Variants in GOLM2 observed in about 807,000 individuals in gnomAD.
The protein encoded by GOLM2 is golgi membrane protein 2.
In GOLM2, 26 loss-of-function variants were observed where a neutral mutation model predicts 55.9. That is an observed-to-expected ratio of 0.47 (90% CI 0.34 to 0.65). The LOEUF is 0.65. Ranked by LOEUF, GOLM2 falls within the 30% of genes least tolerant of loss-of-function variation. The probability of loss-of-function intolerance (pLI) is 0.01; values close to 1 mark genes in which losing one functional copy is unlikely to be tolerated. For synonymous variants in GOLM2, 165 were observed against 194.6 expected (o/e 0.85, Z 1.27); for missense variants, 486 against 531.8 (o/e 0.91, Z 0.85).
At position 44,288,904 on chromosome 15, in the gene GOLM2, G is replaced by C. The variant is rs952255981; in HGVS notation, c.-126G>C. ...CCCCTTCTCCGGCTCGCAGCCGACC[G>C]GTAAGCCCGCCTCCTCCCTCGGCCG... On this transcript the variant is annotated 5_prime_UTR_variant, in exon 1 of 10. Coordinates refer to ENST00000299957, the MANE Select transcript of GOLM2 (RefSeq NM_138423.4). 4 of 844,530 alleles carry C rather than the reference G, an allele frequency of 4.7e-6. No homozygotes were observed. Among genetic ancestry groups the C allele is most frequent in the East Asian group, 2.7e-5 (1 of 36,642 alleles). 52.3% of individuals were successfully genotyped at this position (844,530 alleles called of 1,614,324 possible).
intron 8 of GOLM2, among the ~76,000 whole-genome samples, chr15:44,399,491 T>TA (rs1379583823): frequency 6.6e-6 from 1 of 152,194 alleles, no homozygotes; most frequent in Non-Finnish European, 1.5e-5. Context: ...TCTATGTAAT[T>TA]ATAGTATTAA....
intron 1 of GOLM2, among the ~76,000 whole-genome samples, chr15:44,313,513 A>G (rs762326500): frequency 3.3e-5 from 5 of 152,116 alleles, no homozygotes; most frequent in Non-Finnish European, 7.4e-5. Context: ...CTACTCTCTT[A>G]CTACGTCATC....
Position 44,361,294 on chromosome 15 carries a change from C to T in GOLM2, c.803-18396C>T, listed in dbSNP as rs546829492. On this transcript the variant is annotated intron_variant, in intron 6 of 9. Transcript: ENST00000299957. ...TTTTGAAAAGATCAACAAGCTAGACCGCTAGCAAGACTAATAAAGAAAAAA... is the reference window on the plus strand; with the variant it reads ...TTTTGAAAAGATCAACAAGCTAGACTGCTAGCAAGACTAATAAAGAAAAAA... 8.5e-4 allele frequency among the ~76,000 whole-genome samples: 129 copies of T among 151,918 alleles called. 1 individual carries two copies. Among genetic ancestry groups the T allele is most frequent in the Middle Eastern group, 3.4e-3 (1 of 294 alleles).
chr15:44,335,517 T>C (rs2079050651), intron 4 of GOLM2, among the ~76,000 whole-genome samples: 1 of 152,194 alleles, frequency 6.6e-6, no homozygotes, highest in Admixed American at 6.5e-5. Context: ...CTTATCCATA[T>C]CTGGAAAAGA....
At chr15:44,375,857 G>T (rs2079361075) in intron 6 of GOLM2, among the ~76,000 whole-genome samples, 1 of 152,106 alleles carries the variant, frequency 6.6e-6, no homozygotes, top group Non-Finnish European at 1.5e-5. Flanking sequence ...TATAGGGAGG[G>T]TTCATTAAAT....
chr15:44,325,675 A>G (rs1464361699), intron 2 of GOLM2, among the ~76,000 whole-genome samples: 1 of 152,174 alleles, frequency 6.6e-6, no homozygotes, highest in African/African-American at 2.4e-5. Flanking sequence ...TCAGTTCTAG[A>G]AACTATCCAG....
intron 6 of GOLM2, among the ~76,000 whole-genome samples, chr15:44,344,049 C>T (rs545011674): frequency 2.0e-5 from 3 of 151,590 alleles, no homozygotes; most frequent in Admixed American, 2.0e-4. Context: ...CGCTTGAACC[C>T]AGGAGTTTGA....
At position 44,398,139 on chromosome 15, in the gene GOLM2, C is replaced by T. The variant is rs527824346; in HGVS notation, c.1073-4748C>T. Among the ~76,000 whole-genome samples, 12 of 152,324 alleles carry T rather than the reference C, an allele frequency of 7.9e-5. No individual in the cohort carries two copies. In the East Asian group the frequency reaches 2.3e-3, roughly 29 times the overall value. On this transcript the variant is annotated intron_variant, in intron 8 of 9. Transcript: ENST00000299957. ...TTGCCTCCTACATAATGTTCAAACT[C>T]ACTCTATCAAAAGGAAGCCAACTGA...
chr15:44,366,762 C>T (rs189832460), intron 6 of GOLM2, among the ~76,000 whole-genome samples: 16 of 151,990 alleles, frequency 1.1e-4, no homozygotes, highest in East Asian at 1.9e-4. Context: ...TTTGGGATGC[C>T]GAGGTGGGAG....
At chr15:44,294,639 G>A (rs190008194) in intron 1 of GOLM2, among the ~76,000 whole-genome samples, 12 of 151,282 alleles carry the variant, frequency 7.9e-5, no homozygotes, top group East Asian at 1.9e-4. Context: ...GCTTGAACCC[G>A]GCAGGCAGAG....
At chr15:44,323,441 C>T (rs1420009254) in intron 2 of GOLM2, among the ~76,000 whole-genome samples, 1 of 151,080 alleles carries the variant, frequency 6.6e-6, no homozygotes, top group Non-Finnish European at 1.5e-5. Flanking sequence ...GTTTTAGATA[C>T]CCTGGGAACA....
chr15:44,391,516 C>CAA (rs1330871091), intron 8 of GOLM2, among the ~76,000 whole-genome samples: 1 of 85,330 alleles, frequency 1.2e-5, no homozygotes, highest in Non-Finnish European at 2.3e-5. Flanking sequence ...GACTCCATCT[C>CAA]AAAAAAAAAA....
Position 44,380,928 on chromosome 15 carries a change from A to C in GOLM2, c.1024A>C (p.Lys342Gln). 1 of 1,599,802 alleles carries C rather than the reference A, an allele frequency of 6.3e-7. No homozygotes were observed. Among genetic ancestry groups the C allele is most frequent in the Non-Finnish European group, 8.5e-7 (1 of 1,172,934 alleles). ...ACCCAGAATTCAAACAGATATACTA[A>C]AGCAGGCTACCAAGGACAGAGTCAG... ...SEPRIQTDIL[K>Q]QATKDRVSDF... Residue 342 changes from lysine (K) to glutamine (Q), a missense_variant, in exon 8 of 10, where the codon AAG (lysine) becomes CAG (glutamine). Physicochemically the swap from Lys to Gln is moderately conservative, Grantham distance 53. Coordinates refer to ENST00000299957, the MANE Select transcript of GOLM2 (RefSeq NM_138423.4).
At chr15:44,394,282 A>G (rs2079510278) in intron 8 of GOLM2, among the ~76,000 whole-genome samples, 1 of 152,230 alleles carries the variant, frequency 6.6e-6, no homozygotes, top group Non-Finnish European at 1.5e-5. Flanking sequence ...GGTTTGAGCA[A>G]CCACGGAATA....
chr15:44,377,534 C>T (rs2079372499), intron 6 of GOLM2, among the ~76,000 whole-genome samples: 1 of 152,120 alleles, frequency 6.6e-6, no homozygotes, highest in Non-Finnish European at 1.5e-5. Context: ...CCACGCCAGG[C>T]TGAATTTTTT....
chr15:44,322,555 G>A (rs538093272), intron 1 of GOLM2, among the ~76,000 whole-genome samples: 19 of 152,176 alleles, frequency 1.2e-4, no homozygotes, highest in African/African-American at 4.3e-4. Context: ...TGTCTACGAG[G>A]TCCTGGCTTA....
chr15:44,357,354 C>G (rs1170204913), intron 6 of GOLM2, among the ~76,000 whole-genome samples: 1 of 151,948 alleles, frequency 6.6e-6, no homozygotes, highest in African/African-American at 2.4e-5. Flanking sequence ...AAATCCAAAA[C>G]TCATTCATGA....
At chr15:44,376,026 C>T (rs1257959645) in intron 6 of GOLM2, among the ~76,000 whole-genome samples, 1 of 152,092 alleles carries the variant, frequency 6.6e-6, no homozygotes, top group Non-Finnish European at 1.5e-5. Context: ...CACCTGAGGT[C>T]AGGAGTTCGA....
chr15:44,370,669 TA>T (rs2141185127), intron 6 of GOLM2, among the ~76,000 whole-genome samples: 1 of 152,264 alleles, frequency 6.6e-6, no homozygotes, highest in African/African-American at 2.4e-5. Context: ...TTTTTATTTT[TA>T]ATAGGGAAGA....
Sources: gnomAD v4.1 joint callset for allele counts (sites outside exome capture counted in the v4.1 genomes callset) on GRCh38, gnomAD v4.1.1 for gene constraint, MANE v1.5 for transcripts, NCBI Gene and HGNC (gene_info 2026-07-23, HGNC 2026-07-21) for gene names.